The following PPARG variants were observed in gnomAD, a reference collection of about 807,000 sequenced individuals.
PPARG encodes the protein peroxisome proliferator activated receptor gamma.
Under a neutral mutation model 39.2 loss-of-function variants are expected in PPARG, and 17 were observed. The ratio of observed to expected loss-of-function variants is 0.43; its 90% confidence interval spans 0.30 to 0.65. The LOEUF is 0.65. Among genes scored for constraint, PPARG ranks in the 30% least tolerant of loss-of-function variants. The probability of loss-of-function intolerance (pLI) is 0.13; values close to 1 mark genes in which losing one functional copy is unlikely to be tolerated. For missense variants in PPARG, 406 were observed against 585.9 expected (o/e 0.69, Z 3.17); for synonymous variants, 223 against 215.7 (o/e 1.03, Z -0.30).
At chr3:12,360,379 C>CT (rs1318669357) in intron 2 of PPARG, among the ~76,000 whole-genome samples, 2 of 152,036 alleles carry the variant, frequency 1.3e-5, no homozygotes, top group Non-Finnish European at 2.9e-5. Context: ...TATGACAATC[C>CT]TTTTAACACA....
chr3:12,394,069 C>CT (rs2050174991), intron 5 of PPARG, among the ~76,000 whole-genome samples: 1 of 152,102 alleles, frequency 6.6e-6, no homozygotes, highest in Admixed American at 6.6e-5. Context: ...CATCAGTTTC[C>CT]TTTTTATTTC....
chr3:12,399,633 A>AAGGG (rs1176234376), intron 5 of PPARG: 1 of 130,414 alleles, frequency 7.7e-6, no homozygotes, highest in Non-Finnish European at 1.5e-5. Context: ...GAAAGGATGG[A>AAGGG]AGGGAGGAAG....
At chr3:12,418,649 A>G (rs1394356925) in intron 7 of PPARG, among the ~76,000 whole-genome samples, 8 of 152,204 alleles carry the variant, frequency 5.3e-5, no homozygotes, top group African/African-American at 1.4e-4. Flanking sequence ...AATTCAGGGA[A>G]GTAAGGACCA....
intron 1 of PPARG, among the ~76,000 whole-genome samples, chr3:12,292,535 G>T (rs1282500128): frequency 6.6e-6 from 1 of 152,184 alleles, no homozygotes; most frequent in Non-Finnish European, 1.5e-5. Flanking sequence ...TGTTTTAGTG[G>T]CTTGAAAGGT....
intron 2 of PPARG, chr3:12,344,986 AT>A (rs1177799937): frequency 6.6e-6 from 1 of 152,198 alleles, no homozygotes. Context: ...TTGAAACCCT[AT>A]TCAATAGTTG....
At chr3:12,348,729 C>T (rs758490546) in intron 2 of PPARG, among the ~76,000 whole-genome samples, 21 of 152,294 alleles carry the variant, frequency 1.4e-4, no homozygotes, top group Middle Eastern at 3.4e-3. Context: ...TGTAACATTA[C>T]CAAGGACTAT....
chr3:12,372,959 G>GT (rs1559512488), intron 2 of PPARG, among the ~76,000 whole-genome samples: 1 of 152,168 alleles, frequency 6.6e-6, no homozygotes, highest in East Asian at 1.9e-4. Flanking sequence ...TGAAATTAAT[G>GT]GATATACCAC....
intron 2 of PPARG, among the ~76,000 whole-genome samples, chr3:12,347,384 T>C (rs1387805019): frequency 4.0e-5 from 6 of 151,828 alleles, no homozygotes; most frequent in Non-Finnish European, 7.4e-5. Flanking sequence ...GACCTTCCTT[T>C]GTCTGCTTTT....
At chr3:12,292,065 T>C (rs2046662072) in intron 1 of PPARG, among the ~76,000 whole-genome samples, 1 of 152,244 alleles carries the variant, frequency 6.6e-6, no homozygotes, top group Non-Finnish European at 1.5e-5. Flanking sequence ...TTCACTGTAG[T>C]TCAAACCTCA....
chr3:12,405,910 C>T lies in PPARG; in HGVS notation c.558C>T (p.Ala186=), dbSNP rs369534657. The T allele has an allele frequency of 1.1e-5, 17 of 1,614,032 alleles. 1 individual carries two copies. Among genetic ancestry groups the T allele is most frequent in the African/African-American group, 9.3e-5 (7 of 75,004 alleles). Residue 186 remains alanine (A), a synonymous_variant, in exon 6 of 8, where the codon GCC becomes GCT. Coordinates refer to ENST00000651735, the MANE Select transcript of PPARG (RefSeq NM_138711.6). The part of the protein sequence containing the change: ...NAIRFGRMPQ[A]EKEKLLAEIS... ...TCAGGTTTGGGCGGATGCCACAGGC[C>T]GAGAAGGAGAAGCTGTTGGCGGAGA...
chr3:12,428,002 A>G (rs1036204966), intron 7 of PPARG, among the ~76,000 whole-genome samples: 1 of 152,232 alleles, frequency 6.6e-6, no homozygotes, highest in African/African-American at 2.4e-5. Flanking sequence ...GCAGAAAGCC[A>G]GGAGAGCAGC....
At chr3:12,393,012 G>A (rs1049651155) in intron 5 of PPARG, among the ~76,000 whole-genome samples, 2 of 152,146 alleles carry the variant, frequency 1.3e-5, no homozygotes, top group East Asian at 1.9e-4. Context: ...AAAAACTTTA[G>A]TGTTAGAACA....
chr3:12,370,434 T>G (rs2049169929), intron 2 of PPARG, among the ~76,000 whole-genome samples: 2 of 152,194 alleles, frequency 1.3e-5, no homozygotes, highest in African/African-American at 4.8e-5. Context: ...TTGATCTTAG[T>G]CATTCTAAGG....
At chr3:12,364,592 T>C (rs1326217228) in intron 2 of PPARG, among the ~76,000 whole-genome samples, 1 of 152,256 alleles carries the variant, frequency 6.6e-6, no homozygotes, top group East Asian at 1.9e-4. Context: ...CTGGATTGTA[T>C]GGTAAGAATA....
In PPARG at chr3:12,405,954, A is replaced by G; in HGVS notation, c.602A>G (p.Gln201Arg). ...GCGGAGATCTCCAGTGATATCGACCAGCTGAATCCAGAGTCCGCTGACCTC... is the reference window on the plus strand; with the variant it reads ...GCGGAGATCTCCAGTGATATCGACCGGCTGAATCCAGAGTCCGCTGACCTC... Reference protein sequence around the residue: ...LLAEISSDIDQLNPESADLRA... With the variant: ...LLAEISSDIDRLNPESADLRA... The change falls in exon 6 of 8, where the codon CAG (glutamine) becomes CGG (arginine). Residue 201 changes from glutamine to arginine, a missense_variant. Physicochemically the swap from Gln to Arg is conservative, Grantham distance 43 (BLOSUM62 1). This residue lies in a region of PPARG where 275 missense variants were observed against 458.0 expected (regional missense o/e 0.60). Transcript: ENST00000651735. 6.2e-7 allele frequency: 1 copy of G among 1,614,200 alleles called. No homozygotes were observed. The highest frequency in any genetic ancestry group is 8.5e-7 in the Non-Finnish European group (1 of 1,180,036).
At chr3:12,350,075 T>C (rs982405088) in intron 2 of PPARG, among the ~76,000 whole-genome samples, 1 of 152,200 alleles carries the variant, frequency 6.6e-6, no homozygotes, top group Non-Finnish European at 1.5e-5. Flanking sequence ...CCTTAAGTAT[T>C]GTGCCATCGT....
intron 2 of PPARG, chr3:12,328,190 A>G (rs1471572755): frequency 2.2e-6 from 3 of 1,390,704 alleles, no homozygotes; most frequent in Non-Finnish European, 2.0e-6. Flanking sequence ...TTAAAGAACT[A>G]GAACAGAAAA....
intron 2 of PPARG, among the ~76,000 whole-genome samples, chr3:12,313,234 TA>T (rs1417715926): frequency 1.3e-5 from 2 of 151,078 alleles, no homozygotes; most frequent in African/African-American, 4.9e-5. Context: ...AATCATCAGA[TA>T]GATAGATACA....
intron 1 of PPARG, among the ~76,000 whole-genome samples, chr3:12,298,923 C>T (rs1457363357): frequency 6.6e-6 from 1 of 152,140 alleles, no homozygotes; most frequent in African/African-American, 2.4e-5. Context: ...GCAGCCTCAA[C>T]TTCTTGGGTT....
Sources: allele counts gnomAD v4.1 joint callset (sites outside exome capture counted in the v4.1 genomes callset), GRCh38; gene constraint gnomAD v4.1.1; regional missense constraint gnomAD v4.1.1; transcripts MANE v1.5; gene names NCBI Gene and HGNC (gene_info 2026-07-23, HGNC 2026-07-21).